PACRG: variants seen among roughly 807,000 people sequenced by gnomAD.
PACRG encodes parkin coregulated gene protein.
A neutral mutation model predicts 29.7 loss-of-function variants in PACRG; 29 were observed. That is an observed-to-expected ratio of 0.98 (90% confidence interval 0.73 to 1.33). PACRG has a LOEUF of 1.33. Among genes scored for constraint, PACRG ranks in the 40% most tolerant of loss-of-function variants. PACRG has a pLI of 0.00. For synonymous variants in PACRG, 116 were observed against 118.7 expected (o/e 0.98, Z 0.15); for missense variants, 279 against 316.2 (o/e 0.88, Z 0.89).
chr6:163,098,324 C>T (rs1814786972), intron 4 of PACRG, among the ~76,000 whole-genome samples: 1 of 152,168 alleles, frequency 6.6e-6, no homozygotes, highest in Admixed American at 6.5e-5. Context: ...ACGAGACACC[C>T]TACTGCCATT....
intron 1 of PACRG, among the ~76,000 whole-genome samples, chr6:162,752,326 A>G (rs1781573386): frequency 1.3e-5 from 2 of 152,152 alleles, no homozygotes; most frequent in African/African-American, 4.8e-5. Flanking sequence ...TGACCAAAAG[A>G]ATGAAGAGGA....
At chr6:163,076,170 G>C (rs1271384349) in intron 3 of PACRG, among the ~76,000 whole-genome samples, 1 of 152,044 alleles carries the variant, frequency 6.6e-6, no homozygotes, top group East Asian at 1.9e-4. Flanking sequence ...ACAATTAATT[G>C]GACACAGACC....
intron 2 of PACRG, among the ~76,000 whole-genome samples, chr6:162,895,106 C>A (rs182729341): frequency 4.2e-5 from 6 of 144,514 alleles, no homozygotes; most frequent in South Asian, 2.3e-4. Flanking sequence ...TACCCCCCCG[C>A]CCCCAAAAAA....
At chr6:162,942,019 G>A (rs1292023091) in intron 2 of PACRG, among the ~76,000 whole-genome samples, 1 of 152,140 alleles carries the variant, frequency 6.6e-6, no homozygotes. Context: ...TCCATGTCAA[G>A]CACTTGAGCT....
chr6:162,789,184 A>G (rs1784746120), intron 1 of PACRG, among the ~76,000 whole-genome samples: 1 of 152,156 alleles, frequency 6.6e-6, no homozygotes. Flanking sequence ...AGAATGGAAA[A>G]TATGTTTCTT....
chr6:163,000,571 C>T (rs902309571), intron 2 of PACRG, among the ~76,000 whole-genome samples: 6 of 152,174 alleles, frequency 3.9e-5, no homozygotes, highest in Admixed American at 2.6e-4. Context: ...CTCTGGCATT[C>T]TCTCCCTGTG....
chr6:163,117,357 C>A (rs1452959280), intron 4 of PACRG, among the ~76,000 whole-genome samples: 1 of 152,198 alleles, frequency 6.6e-6, no homozygotes, highest in African/African-American at 2.4e-5. Flanking sequence ...CTGGCTCCAG[C>A]CACTGGGGAG....
intron 2 of PACRG, among the ~76,000 whole-genome samples, chr6:163,036,943 A>G (rs1312924468): frequency 1.3e-5 from 2 of 151,962 alleles, no homozygotes; most frequent in Non-Finnish European, 2.9e-5. Flanking sequence ...ACAGACCCTG[A>G]GCCATGCTAA....
At chr6:162,885,700 T>C (rs894290419) in intron 2 of PACRG, among the ~76,000 whole-genome samples, 13 of 152,234 alleles carry the variant, frequency 8.5e-5, no homozygotes, top group African/African-American at 1.2e-4. Flanking sequence ...GCTAATTCAG[T>C]GTTCCTGGTG....
rs77004020 is a variant in PACRG, at chr6:163,308,888, C to T, written c.614-5939C>T. ...AGCCAGCTTTAGCTGTGACTGATGA[C>T]GTCAAAGGTTACAGGTCTTAATAGG... On this transcript the variant is annotated intron_variant, in intron 4 of 4. Coordinates refer to ENST00000366888, the MANE Select transcript of PACRG (RefSeq NM_001080379.2). Among the ~76,000 whole-genome samples the T allele has an allele frequency of 6.8e-3, 1,040 of 152,248 alleles. 14 individuals carry two copies. Among genetic ancestry groups the T allele is most frequent in the African/African-American group, 0.024 (998 of 41,542 alleles).
At chr6:163,060,045 T>G (rs1585118169) in intron 2 of PACRG, among the ~76,000 whole-genome samples, 1 of 152,072 alleles carries the variant, frequency 6.6e-6, no homozygotes, top group East Asian at 1.9e-4. Context: ...TACAAAAAAG[T>G]AAATAGAACA....
At chr6:162,971,410 G>A (rs1384951560) in intron 2 of PACRG, among the ~76,000 whole-genome samples, 1 of 152,138 alleles carries the variant, frequency 6.6e-6, no homozygotes, top group African/African-American at 2.4e-5. Context: ...CAACCACAGC[G>A]GCATTATGAA....
chr6:162,807,272 A>T (rs1786432443), intron 1 of PACRG, among the ~76,000 whole-genome samples: 3 of 152,216 alleles, frequency 2.0e-5, no homozygotes, highest in Non-Finnish European at 4.4e-5. Flanking sequence ...GTTCACTGGG[A>T]TAGCACTTTT....
At chr6:163,104,414 A>T (rs1815269499) in intron 4 of PACRG, among the ~76,000 whole-genome samples, 1 of 152,140 alleles carries the variant, frequency 6.6e-6, no homozygotes, top group African/African-American at 2.4e-5. Context: ...TGTTGCTATA[A>T]CAGAATAGCT....
chr6:163,111,149 G>T (rs182098749), intron 4 of PACRG, among the ~76,000 whole-genome samples: 1 of 152,262 alleles, frequency 6.6e-6, no homozygotes, highest in Non-Finnish European at 1.5e-5. Context: ...GCTAGAACCT[G>T]CCCAAGAACA....
At chr6:163,294,145 A>G (rs1408493596) in intron 4 of PACRG, among the ~76,000 whole-genome samples, 2 of 152,194 alleles carry the variant, frequency 1.3e-5, no homozygotes, top group Non-Finnish European at 2.9e-5. Flanking sequence ...TAGATGAGGA[A>G]ATTGTACTTC....
intron 2 of PACRG, among the ~76,000 whole-genome samples, chr6:162,913,636 A>G (rs896450742): frequency 1.3e-5 from 2 of 152,220 alleles, no homozygotes; most frequent in East Asian, 1.9e-4. Flanking sequence ...GACATTGTCA[A>G]GTAAATTTCC....
intron 1 of PACRG, among the ~76,000 whole-genome samples, chr6:162,811,217 A>T (rs1317555096): frequency 6.6e-6 from 1 of 152,160 alleles, no homozygotes; most frequent in Non-Finnish European, 1.5e-5. Flanking sequence ...ATGCAGAAGA[A>T]ATCAATAAAA....
chr6:163,256,585 G>A (rs746806676), intron 4 of PACRG, among the ~76,000 whole-genome samples: 17 of 152,194 alleles, frequency 1.1e-4, no homozygotes, highest in Non-Finnish European at 1.8e-4. Flanking sequence ...TGATGGATCC[G>A]TGAGGAAAAC....
Sources: allele counts gnomAD v4.1 joint callset (sites outside exome capture counted in the v4.1 genomes callset), GRCh38; gene constraint gnomAD v4.1.1; transcripts MANE v1.5; gene names NCBI Gene and HGNC (gene_info 2026-07-23, HGNC 2026-07-21).